FKBP15: variants seen among roughly 807,000 people sequenced by gnomAD.
FKBP15 encodes FK506-binding protein 15.
In FKBP15, 106 loss-of-function variants were observed where a neutral mutation model predicts 158.1. The ratio of observed to expected loss-of-function variants is 0.67; its 90% CI spans 0.57 to 0.79. The LOEUF is 0.79. Ranked by LOEUF, FKBP15 falls within the 30% of genes least tolerant of loss-of-function variation. The pLI is 0.00. For synonymous variants in FKBP15, 547 were observed against 548.6 expected (o/e 1.00, Z 0.04); for missense variants, 1,287 against 1,479.1 (o/e 0.87, Z 2.13).
chr9:113,220,229 T>C (rs1428840329), intron 1 of FKBP15, among the ~76,000 whole-genome samples: 7 of 152,222 alleles, frequency 4.6e-5, no homozygotes, highest in Non-Finnish European at 1.0e-4. Context: ...GGGGCATATG[T>C]GGTGCATTTG....
intron 2 of FKBP15, among the ~76,000 whole-genome samples, chr9:113,210,351 T>TTTTTTG (rs1830976232): frequency 1.3e-5 from 2 of 150,076 alleles, no homozygotes; most frequent in African/African-American, 2.5e-5. Context: ...TTTTTTTTTT[T>TTTTTTG]GAGACGGAGT....
At chr9:113,169,027 A>AGGGCCCGCCACACTACCG (rs1564147038) in intron 26 of FKBP15, among the ~76,000 whole-genome samples, 197 bp downstream of exon 26, 6 of 41,310 alleles carry the variant, frequency 1.5e-4, no homozygotes, top group Non-Finnish European at 2.6e-4. Context: ...CCACACTACC[A>AGGGCCCGCCACACTACCG]CAGGGCCCGC....
Position 113,176,650 on chromosome 9 carries a change from C to T in FKBP15, c.2110G>A (p.Ala704Thr). ...LSELQETSEQ[A>T]QSKFKSEKQN... ...TTTTCACTTTTGAATTTGGACTGTG[C>T]TTGCTCAGAGGTTTCTTGGAGCTCT... is the stretch of plus-strand genomic sequence containing the variant. Residue 704 changes from alanine (A) to threonine (T), a missense_variant, in exon 21 of 28, where the codon GCA becomes ACA. Coordinates refer to ENST00000238256, the MANE Select transcript of FKBP15 (RefSeq NM_015258.2). The T allele has an allele frequency of 6.2e-7, 1 of 1,608,506 alleles. No individual in the cohort carries two copies.
Position 113,194,133 on chromosome 9 carries a change from T to C in FKBP15, c.901A>G (p.Ser301Gly). 1.2e-6 allele frequency: 2 copies of C among 1,612,616 alleles called. No individual in the cohort carries two copies. The highest frequency in any genetic ancestry group is 1.7e-6 in the Non-Finnish European group (2 of 1,179,064). ...FARDSGSDGH[S>G]VSSRDSAAPS... ...GCTGCAGAATCGCGGGAACTAACAC[T>C]GTGACCATCAGAGCCAGAATCTCTG... The change falls in exon 10 of 28, where the codon AGT (serine) becomes GGT (glycine). Residue 301 changes from serine (S) to glycine (G), a missense_variant. By Grantham distance (56) the Ser-to-Gly change is moderately conservative (BLOSUM62 0). Transcript: ENST00000238256.
Position 113,169,746 on chromosome 9 carries a change from A to G in FKBP15, c.2963T>C (p.Val988Ala). 1 of 1,611,884 alleles carries G rather than the reference A, an allele frequency of 6.2e-7. No homozygotes were observed. The highest frequency in any genetic ancestry group is 8.5e-7 in the Non-Finnish European group (1 of 1,179,028). The change falls in exon 26 of 28, where the codon GTC becomes GCC. Residue 988 changes from valine (V) to alanine (A), a missense_variant. By Grantham distance (64) the Val-to-Ala change is moderately conservative (BLOSUM62 0). Transcript: ENST00000238256. ...AGGAGGCAACGGGACAGCTTCCTCG[A>G]CCACCTGCTCTGAGGGCACCATGGG... ...ESPMVPSEQV[V>A]EEAVPLPPQA...
intron 9 of FKBP15, among the ~76,000 whole-genome samples, chr9:113,195,195 G>T (rs1830652646): frequency 6.6e-6 from 1 of 152,154 alleles, no homozygotes; most frequent in Non-Finnish European, 1.5e-5. Flanking sequence ...GCAACCTCCA[G>T]CATAAATGGG....
intron 11 of FKBP15, among the ~76,000 whole-genome samples, chr9:113,191,644 T>TAA (rs1587963058): frequency 6.8e-6 from 1 of 148,098 alleles, no homozygotes; most frequent in Non-Finnish European, 1.5e-5. Flanking sequence ...TATATATATA[T>TAA]AATATAAATT....
rs377543250 is a variant in FKBP15 at position 113,206,506 on chromosome 9, C to A, written c.324+3G>T. On this transcript the variant is annotated splice_donor_region_variant and intron_variant, in intron 4 of 27. Transcript: ENST00000238256. The stretch of plus-strand genomic sequence containing the variant: ...TATACATGAGATGTGGGAGCACTCT[C>A]ACCTCTCTGGCTGTGTGGTTCCCCA... 1 of 1,613,428 alleles carries A rather than the reference C, an allele frequency of 6.2e-7. No individual in the cohort carries two copies. The highest frequency in any genetic ancestry group is 1.3e-5 in the African/African-American group (1 of 74,900).
At chr9:113,181,692 G>A in intron 19 of FKBP15, among the ~76,000 whole-genome samples, 1 of 152,160 alleles carries the variant, frequency 6.6e-6, no homozygotes, top group Admixed American at 6.5e-5. Context: ...AATAGTAACT[G>A]TGAGGCCAAA....
In FKBP15 at chr9:113,165,304, A is replaced by T. The variant is rs1241613788; in HGVS notation, c.*774T>A. On this transcript the variant is annotated 3_prime_UTR_variant, in exon 28 of 28. Transcript: ENST00000238256. ...CAAGAGGATGACTGGACTGGTCCTC[A>T]CAGAACCATCATGCCCCAGGGATGA... is the stretch of plus-strand genomic sequence containing the variant. 1 of 152,218 alleles carries T rather than the reference A, an allele frequency of 6.6e-6. No individual in the cohort carries two copies. The highest frequency in any genetic ancestry group is 1.5e-5 in the Non-Finnish European group (1 of 68,068). The allele number at this position is 152,218 out of a possible 1,614,324, so 9.4% of individuals were successfully genotyped here. A position where few individuals can be genotyped will look rare whatever the true frequency, so the allele number is the denominator to read the frequency against.
chr9:113,164,089 G>A lies in FKBP15; in HGVS notation c.*1989C>T, dbSNP rs1440101902. On this transcript the variant is annotated 3_prime_UTR_variant, in exon 28 of 28. Transcript: ENST00000238256. ...GATGAAAAGATGGTTGTAAGCTTTGGGAATTAAAAACAAACAAATACATTT... is the reference window on the plus strand; with the variant it reads ...GATGAAAAGATGGTTGTAAGCTTTGAGAATTAAAAACAAACAAATACATTT... 1.5e-5 allele frequency: 2 copies of A among 137,534 alleles called. No individual in the cohort carries two copies. Among genetic ancestry groups the A allele is most frequent in the African/African-American group, 5.4e-5 (2 of 37,090 alleles). 8.5% of individuals were successfully genotyped at this position (137,534 alleles called of 1,614,324 possible). A position where few individuals can be genotyped will look rare whatever the true frequency, so the allele number is the denominator to read the frequency against.
At chr9:113,170,452 A>T in intron 25 of FKBP15, 70 bp downstream of exon 25, 1 of 1,080,562 alleles carries the variant, frequency 9.3e-7, no homozygotes, top group Admixed American at 1.9e-5. Context: ...TTTATTCATG[A>T]TCCCTTAGAA....
intron 27 of FKBP15, among the ~76,000 whole-genome samples, chr9:113,166,927 G>A (rs1458231240): frequency 6.6e-6 from 1 of 152,164 alleles, no homozygotes; most frequent in African/African-American, 2.4e-5. Flanking sequence ...CTCTACTAAG[G>A]CATTCTCTGC....
chr9:113,202,583 T>C lies in FKBP15; in HGVS notation c.446A>G (p.Asn149Ser). 1 of 1,583,862 alleles carries C rather than the reference T, an allele frequency of 6.3e-7. No homozygotes were observed. Among genetic ancestry groups the C allele is most frequent in the Admixed American group, 1.8e-5 (1 of 55,568 alleles). ...TTCCGACTCAAACATGATGGACCAG[T>C]TCTGTCTCTGGTCATCATAAAAGGT... ...YSTFYDDQRQNWSIMFESEKA... is the reference protein window; with the variant it reads ...YSTFYDDQRQSWSIMFESEKA... The change falls in exon 6 of 28, where the codon AAC (asparagine) becomes AGC (serine). Residue 149 changes from asparagine (N) to serine (S), a missense_variant. Asn to Ser is a conservative substitution (Grantham distance 46). Coordinates refer to ENST00000238256, the MANE Select transcript of FKBP15 (RefSeq NM_015258.2).
chr9:113,198,767 A>C lies in FKBP15; in HGVS notation c.717+88T>G, dbSNP rs2118920413. 1.0e-6 allele frequency: 1 copy of C among 954,702 alleles called. No individual in the cohort carries two copies. Among genetic ancestry groups the C allele is most frequent in the Non-Finnish European group, 1.6e-6 (1 of 642,000 alleles). 59.1% of individuals were successfully genotyped at this position (954,702 alleles called of 1,614,324 possible). On this transcript the variant is annotated intron_variant, in intron 8 of 27. Coordinates refer to ENST00000238256, the MANE Select transcript of FKBP15 (RefSeq NM_015258.2). This position sits in a 1 kb window ranked among gnomAD's most constrained non-coding sequence, Gnocchi z 5.2. ...AACTCCGTCTCAAAAAATAAAAATAAAATAAAAAAAGGAATTCCACAAAAT... is the reference window on the plus strand; with the variant it reads ...AACTCCGTCTCAAAAAATAAAAATACAATAAAAAAAGGAATTCCACAAAAT...
intron 1 of FKBP15, among the ~76,000 whole-genome samples, chr9:113,212,033 A>G (rs1297218946): frequency 1.3e-5 from 2 of 152,114 alleles, no homozygotes; most frequent in Non-Finnish European, 2.9e-5. Flanking sequence ...AGTTTATTCA[A>G]TTGAAATGAA....
At chr9:113,182,173 A>G (rs1830410438) in intron 19 of FKBP15, among the ~76,000 whole-genome samples, 1 of 152,214 alleles carries the variant, frequency 6.6e-6, no homozygotes, top group Non-Finnish European at 1.5e-5. Flanking sequence ...CTGAGAAGAA[A>G]GACAGTAGAT....
At chr9:113,206,982 T>C in intron 3 of FKBP15, 1 of 485,582 alleles carries the variant, frequency 2.1e-6, no homozygotes, top group South Asian at 3.1e-5. Flanking sequence ...CTTTGAGCAT[T>C]TGACAGCTGT....
chr9:113,175,206 T>C (rs1247268707), intron 21 of FKBP15, among the ~76,000 whole-genome samples: 2 of 152,132 alleles, frequency 1.3e-5, no homozygotes, highest in African/African-American at 4.8e-5. Context: ...ATAGTAATCC[T>C]GTGAAAAGCC....
Sources: gnomAD v4.1 joint callset for allele counts (sites outside exome capture counted in the v4.1 genomes callset) on GRCh38, gnomAD v4.1.1 for gene constraint, Gnocchi (gnomAD v3.1) non-coding constraint, MANE v1.5 for transcripts, NCBI Gene and HGNC (gene_info 2026-07-23, HGNC 2026-07-21) for gene names.